Variants in FBXL17 observed in about 807,000 individuals in gnomAD.
FBXL17 encodes F-box/LRR-repeat protein 17.
Under a neutral mutation model 66.2 loss-of-function variants are expected in FBXL17, and 22 were observed. The observed-to-expected ratio is 0.33, with a 90% CI of 0.24 to 0.47. FBXL17 has a LOEUF of 0.47. Ranked by LOEUF, FBXL17 falls within the 20% of genes least tolerant of loss-of-function variation. The pLI, the probability that FBXL17 is intolerant of heterozygous loss-of-function variation, is 1.00. For missense variants in FBXL17, 878 were observed against 948.2 expected (o/e 0.93, Z 0.97); for synonymous variants, 474 against 400.5 (o/e 1.18, Z -2.19).
chr5:108,197,263 T>A (rs1430610936), intron 5 of FBXL17, among the ~76,000 whole-genome samples: 2 of 152,154 alleles, frequency 1.3e-5, no homozygotes, highest in East Asian at 3.8e-4. Context: ...AATAAAATAT[T>A]CACACTGTTT....
intron 3 of FBXL17, among the ~76,000 whole-genome samples, chr5:108,364,230 G>A (rs531750587): frequency 6.6e-6 from 1 of 152,072 alleles, no homozygotes; most frequent in African/African-American, 2.4e-5. Flanking sequence ...CATTTCCAAA[G>A]GAAGTATAAT....
At chr5:108,277,816 G>A (rs1207482066) in intron 4 of FBXL17, among the ~76,000 whole-genome samples, 3 of 152,120 alleles carry the variant, frequency 2.0e-5, no homozygotes, top group Admixed American at 6.5e-5. Context: ...CATATAAAAG[G>A]TGTGTTTATA....
chr5:108,200,264 C>T (rs1386172234), intron 5 of FBXL17, among the ~76,000 whole-genome samples: 1 of 151,920 alleles, frequency 6.6e-6, no homozygotes, highest in East Asian at 1.9e-4. Context: ...AAAGTTAAGC[C>T]CCCCATAGAA....
In FBXL17 at chr5:107,860,488, G is replaced by A. The variant is rs963053234; in HGVS notation, c.*1232C>T. 1 of 152,612 alleles carries A rather than the reference G, an allele frequency of 6.6e-6. No individual in the cohort carries two copies. Among genetic ancestry groups the A allele is most frequent in the East Asian group, 1.9e-4 (1 of 5,202 alleles). The allele number at this position is 152,612 out of a possible 1,614,324, so 9.5% of individuals were successfully genotyped here. ...CAAAACATATATTCATTTACTGATA[G>A]GTCTTGTCTTAACTGAAGCTGGCAA... On this transcript the variant is annotated 3_prime_UTR_variant, in exon 9 of 9. Transcript: ENST00000542267.
intron 7 of FBXL17, among the ~76,000 whole-genome samples, chr5:107,951,199 C>T (rs1021175532): frequency 1.3e-5 from 2 of 152,156 alleles, no homozygotes; most frequent in Non-Finnish European, 2.9e-5. Context: ...TTCTGATGCA[C>T]ATGGCATAAA....
chr5:108,183,742 C>T (rs1315489781), intron 6 of FBXL17, among the ~76,000 whole-genome samples: 1 of 152,048 alleles, frequency 6.6e-6, no homozygotes, highest in Non-Finnish European at 1.5e-5. Context: ...TTGGAGTTCC[C>T]ATGTCCATTA....
At chr5:108,042,364 C>A (rs1747084029) in intron 6 of FBXL17, among the ~76,000 whole-genome samples, 1 of 152,118 alleles carries the variant, frequency 6.6e-6, no homozygotes, top group South Asian at 2.1e-4. Flanking sequence ...AGAACATTTC[C>A]ATCACTAGAA....
At chr5:108,228,466 C>T (rs1755191327) in intron 4 of FBXL17, among the ~76,000 whole-genome samples, 1 of 152,162 alleles carries the variant, frequency 6.6e-6, no homozygotes, top group Non-Finnish European at 1.5e-5. Flanking sequence ...TTCAACAAGT[C>T]ATTTCTCCTC....
At chr5:107,869,744 A>C (rs1362826596) in intron 8 of FBXL17, among the ~76,000 whole-genome samples, 1 of 152,108 alleles carries the variant, frequency 6.6e-6, no homozygotes, top group Non-Finnish European at 1.5e-5. Flanking sequence ...CCGCTTTTCA[A>C]TCTCTCACCT....
At chr5:107,888,613 C>T (rs1393606828) in intron 7 of FBXL17, among the ~76,000 whole-genome samples, 1 of 152,102 alleles carries the variant, frequency 6.6e-6, no homozygotes, top group South Asian at 2.1e-4. Context: ...AGTCAAACAC[C>T]AAACATTCTT....
intron 6 of FBXL17, among the ~76,000 whole-genome samples, chr5:108,179,995 T>C (rs548282783): frequency 7.1e-4 from 108 of 152,250 alleles, no homozygotes; most frequent in Non-Finnish European, 1.0e-3. Context: ...GGAAAGAATG[T>C]TGACGTAAGA....
intron 6 of FBXL17, among the ~76,000 whole-genome samples, chr5:108,160,033 C>G (rs962380401): frequency 5.3e-5 from 8 of 151,828 alleles, no homozygotes; most frequent in African/African-American, 1.9e-4. Context: ...ATTAGAAAAA[C>G]CTTAATCTCA....
intron 7 of FBXL17, among the ~76,000 whole-genome samples, chr5:107,990,930 T>G (rs1009422791): frequency 6.6e-6 from 1 of 152,180 alleles, no homozygotes; most frequent in African/African-American, 2.4e-5. Context: ...AATTTTATCC[T>G]TATAACAAAC....
At chr5:108,124,067 C>G (rs559299748) in intron 6 of FBXL17, among the ~76,000 whole-genome samples, 1 of 152,056 alleles carries the variant, frequency 6.6e-6, no homozygotes, top group Non-Finnish European at 1.5e-5. Flanking sequence ...CATTAGTAAA[C>G]TGTCTTAACA....
chr5:108,350,296 T>C (rs944592472), intron 3 of FBXL17, among the ~76,000 whole-genome samples: 2 of 152,098 alleles, frequency 1.3e-5, no homozygotes, highest in African/African-American at 2.4e-5. Flanking sequence ...TTTCCTACAA[T>C]GGCAAAAAAA....
Position 108,162,428 on chromosome 5 carries a change from C to G in FBXL17, c.1745+23689G>C, listed in dbSNP as rs73210840. 7.3e-3 allele frequency among the ~76,000 whole-genome samples: 1,110 copies of G among 152,174 alleles called. 17 individuals are homozygous for G. The highest frequency in any genetic ancestry group is 0.025 in the African/African-American group (1,058 of 41,516). ...GGAGGATTGCTTGAGCCCACAAGTT[C>G]AAGGTTACAGTGACGTATGTCACTG... On this transcript the variant is annotated intron_variant, in intron 6 of 8. Transcript: ENST00000542267.
chr5:108,349,425 T>C (rs1370578406), intron 3 of FBXL17, among the ~76,000 whole-genome samples: 2 of 152,110 alleles, frequency 1.3e-5, no homozygotes, highest in Non-Finnish European at 2.9e-5. Flanking sequence ...ACATTGCTTT[T>C]GTAAGAAAAA....
At chr5:108,299,209 T>C (rs1758476158) in intron 4 of FBXL17, 1 of 985,112 alleles carries the variant, frequency 1.0e-6, no homozygotes, top group African/African-American at 1.7e-5. Flanking sequence ...TTTATACCTT[T>C]ATGACATACA....
intron 5 of FBXL17, among the ~76,000 whole-genome samples, chr5:108,209,187 C>T (rs920340795): frequency 6.6e-6 from 1 of 152,292 alleles, no homozygotes. Flanking sequence ...GCTGAACTTG[C>T]TTATCAGCTT....
Sources: gnomAD v4.1 joint callset for allele counts (sites outside exome capture counted in the v4.1 genomes callset) on GRCh38, gnomAD v4.1.1 for gene constraint, MANE v1.5 for transcripts, NCBI Gene and HGNC (gene_info 2026-07-23, HGNC 2026-07-21) for gene names.